The following CPVL variants were observed in gnomAD, a reference collection of about 807,000 sequenced individuals.
The protein encoded by CPVL is carboxypeptidase vitellogenic like.
In CPVL, 51 loss-of-function variants were observed where a neutral mutation model predicts 63.7. The ratio of observed to expected loss-of-function variants is 0.80; its 90% confidence interval spans 0.64 to 1.01. CPVL has a LOEUF of 1.01. Among genes scored for constraint, CPVL ranks in the 50% least tolerant of loss-of-function variants. The pLI is 0.00. For missense variants in CPVL, 530 were observed against 573.1 expected (o/e 0.92, Z 0.77); for synonymous variants, 195 against 206.0 (o/e 0.95, Z 0.46).
intron 1 of CPVL, among the ~76,000 whole-genome samples, chr7:29,141,511 C>T (rs1791876867): frequency 6.6e-6 from 1 of 152,036 alleles, no homozygotes; most frequent in African/African-American, 2.4e-5. Context: ...GATCGCCCCA[C>T]TGCACTCCAG....
intron 3 of CPVL, among the ~76,000 whole-genome samples, chr7:29,102,598 C>T (rs1420574949): frequency 6.6e-6 from 1 of 152,100 alleles, no homozygotes; most frequent in Admixed American, 6.5e-5. Context: ...AAAGAAAGAA[C>T]AAAGGAATCC....
chr7:29,195,038 A>G lies in CPVL; in HGVS notation c.-448+39T>C, dbSNP rs769480060. The G allele has an allele frequency of 1.2e-5, 18 of 1,561,930 alleles. No individual in the cohort carries two copies. In the South Asian group the frequency reaches 2.0e-4, roughly 17 times the overall value. Reference sequence around the variant, plus strand: ...CTGCTGCCGCGCCGGGTCTCGCCCCACTGCCCTCGCCCCGCAGCCTGGGAT... The same window carrying G: ...CTGCTGCCGCGCCGGGTCTCGCCCCGCTGCCCTCGCCCCGCAGCCTGGGAT... On this transcript the variant is annotated intron_variant, in intron 1 of 16. Coordinates refer to the CPVL transcript ENST00000409850.
At chr7:29,152,259 G>C (rs1226074133) in intron 5 of CPVL, among the ~76,000 whole-genome samples, 3 of 152,182 alleles carry the variant, frequency 2.0e-5, no homozygotes, top group South Asian at 2.1e-4. Flanking sequence ...ATGCGTGGCA[G>C]CTCAGGCTAG....
chr7:29,040,521 G>T (rs891595366), intron 11 of CPVL, among the ~76,000 whole-genome samples: 6 of 152,184 alleles, frequency 3.9e-5, no homozygotes, highest in Non-Finnish European at 7.3e-5. Context: ...CAGGAGGCCT[G>T]AGTCCCCAAG....
rs112912449 is a variant in CPVL at position 29,118,023 on chromosome 7, T to G, written c.169+2870A>C. 2.6e-5 allele frequency among the ~76,000 whole-genome samples: 4 copies of G among 152,364 alleles called. 1 individual carries two copies. The highest frequency in any genetic ancestry group is 9.6e-5 in the African/African-American group (4 of 41,586). On this transcript the variant is annotated intron_variant, in intron 2 of 12. Transcript: ENST00000265394. ...CTTTAAATGTAATACTTTAGTACTT[T>G]AGTATGCACTGCCTAATTCCTTAAT... is the stretch of plus-strand genomic sequence containing the variant.
chr7:29,072,157 G>A (rs1783810852), intron 8 of CPVL, 144 bp downstream of exon 8: 2 of 971,174 alleles, frequency 2.1e-6, no homozygotes, highest in Non-Finnish European at 3.0e-6. Flanking sequence ...TGAAACATTT[G>A]GTAAAAATTA....
intron 7 of CPVL, among the ~76,000 whole-genome samples, chr7:29,079,806 C>T (rs1344794045): frequency 6.6e-6 from 1 of 152,150 alleles, no homozygotes; most frequent in African/African-American, 2.4e-5. Context: ...CTTGAAATTA[C>T]CCTATTACAA....
At chr7:29,105,133 A>G (rs547970610) in intron 3 of CPVL, among the ~76,000 whole-genome samples, 26 of 152,244 alleles carry the variant, frequency 1.7e-4, no homozygotes, top group African/African-American at 5.8e-4. Context: ...TGTTAGATAC[A>G]TTTTGAGATA....
intron 5 of CPVL, among the ~76,000 whole-genome samples, chr7:29,155,957 C>T (rs1282903685): frequency 3.9e-5 from 6 of 152,220 alleles, no homozygotes; most frequent in Non-Finnish European, 8.8e-5. Context: ...TGCTCTTGCA[C>T]AGCCTAGCCA....
At chr7:29,091,566 C>G (rs1785798336) in intron 6 of CPVL, among the ~76,000 whole-genome samples, 1 of 152,176 alleles carries the variant, frequency 6.6e-6, no homozygotes, top group South Asian at 2.1e-4. Context: ...CCGTCAGCAT[C>G]TTGGCAAATA....
At chr7:29,034,461 G>C (rs1383464714) in intron 11 of CPVL, among the ~76,000 whole-genome samples, 1 of 151,906 alleles carries the variant, frequency 6.6e-6, no homozygotes, top group African/African-American at 2.4e-5. Flanking sequence ...TTTAAGTTCA[G>C]GGGTATATGT....
intron 12 of CPVL, among the ~76,000 whole-genome samples, chr7:29,027,011 G>A (rs1562729441): frequency 1.3e-5 from 2 of 151,970 alleles, no homozygotes; most frequent in Non-Finnish European, 2.9e-5. Flanking sequence ...ATCCTGATAC[G>A]AAAACCAGAC....
intron 1 of CPVL, among the ~76,000 whole-genome samples, chr7:29,190,812 G>A (rs1053017187): frequency 6.6e-6 from 1 of 152,146 alleles, no homozygotes; most frequent in Non-Finnish European, 1.5e-5. Context: ...ATTTACAGAT[G>A]TCCTTAATTT....
intron 6 of CPVL, among the ~76,000 whole-genome samples, chr7:29,092,106 A>G (rs1007768272): frequency 6.6e-6 from 1 of 152,108 alleles, no homozygotes; most frequent in Non-Finnish European, 1.5e-5. Flanking sequence ...AAAAATAGCA[A>G]TGATTAATAT....
At position 29,064,044 on chromosome 7, in the gene CPVL, T is replaced by G. The variant is rs1782904945; in HGVS notation, c.1137+17A>C. ...ATCTGAAAGTTCCTAAAATAGTAAC[T>G]GAAGTAGCTCTCTTACCTTATAATT... On this transcript the variant is annotated intron_variant, in intron 11 of 12. Coordinates refer to ENST00000265394, the MANE Select transcript of CPVL (RefSeq NM_031311.5). The G allele has an allele frequency of 1.3e-6, 2 of 1,571,734 alleles. No homozygotes were observed. The highest frequency in any genetic ancestry group is 2.7e-5 in the African/African-American group (2 of 73,622).
chr7:29,114,580 T>C (rs1453930259), intron 2 of CPVL, among the ~76,000 whole-genome samples: 1 of 151,762 alleles, frequency 6.6e-6, no homozygotes, highest in African/African-American at 2.4e-5. Context: ...CAGTGAGCCA[T>C]GATCATGCCA....
At chr7:29,038,574 G>A (rs563839374) in intron 11 of CPVL, among the ~76,000 whole-genome samples, 52 of 152,280 alleles carry the variant, frequency 3.4e-4, no homozygotes, top group Admixed American at 1.2e-3. Flanking sequence ...TTTCCTCTCA[G>A]CCACAATGAG....
intron 1 of CPVL, among the ~76,000 whole-genome samples, chr7:29,145,331 C>A (rs1235755877): frequency 6.6e-6 from 1 of 151,960 alleles, no homozygotes; most frequent in African/African-American, 2.4e-5. Context: ...TGAGGGGCTC[C>A]TTTTTCATTT....
intron 4 of CPVL, 137 bp from the exon 5 acceptor site, chr7:29,095,279 C>T (rs1786290384): frequency 1.0e-5 from 7 of 692,056 alleles, no homozygotes; most frequent in Middle Eastern, 3.3e-4. Context: ...TGCACACTCT[C>T]ATGGTGGGGA....
Sources: gnomAD v4.1 joint callset for allele counts (sites outside exome capture counted in the v4.1 genomes callset) on GRCh38, gnomAD v4.1.1 for gene constraint, MANE v1.5 for transcripts, NCBI Gene and HGNC (gene_info 2026-07-23, HGNC 2026-07-21) for gene names.